The following NINL variants were observed in gnomAD, a reference collection of about 807,000 sequenced individuals.
NINL encodes ninein like, also known as ninein-like protein.
In NINL, 153 loss-of-function variants were observed where a neutral mutation model predicts 160.3. That is an observed-to-expected ratio of 0.95 (90% CI 0.84 to 1.09). NINL has a LOEUF of 1.09. Ranked by LOEUF, NINL falls within the 50% of genes least tolerant of loss-of-function variation. The probability of loss-of-function intolerance (pLI) is 0.00; values close to 1 mark genes in which losing one functional copy is unlikely to be tolerated. For missense variants in NINL, 1,829 were observed against 1,764.0 expected, an observed-to-expected ratio of 1.04 and a Z score of -0.66; for synonymous variants, 800 against 734.8, an observed-to-expected ratio of 1.09 and a Z score of -1.43.
chr20:25,475,892 A>T, intron 17 of NINL, 151 bp downstream of exon 17: 1 of 762,274 alleles, frequency 1.3e-6, no homozygotes, highest in Non-Finnish European at 2.1e-6. Context: ...CACAACCCCT[A>T]CTCAGGCTGA....
chr20:25,503,693 C>T (rs561450183), intron 7 of NINL, among the ~76,000 whole-genome samples: 10 of 152,348 alleles, frequency 6.6e-5, no homozygotes, highest in Admixed American at 2.6e-4. Flanking sequence ...CCATCTTACA[C>T]GTGAGCCTGA....
At chr20:25,481,293 T>C (rs2063383098) in intron 14 of NINL, among the ~76,000 whole-genome samples, 2 of 152,146 alleles carry the variant, frequency 1.3e-5, no homozygotes, top group African/African-American at 4.8e-5. Context: ...CACGGAGCCA[T>C]GTGCATTGTA....
rs968531574 is a variant in NINL at position 25,482,178 on chromosome 20, G to T, written c.1678-78C>A. 6 of 1,519,056 alleles carry T rather than the reference G, an allele frequency of 3.9e-6. No homozygotes were observed. In the Admixed American group the frequency reaches 1.1e-4, roughly 28 times the overall value. 94.1% of individuals were successfully genotyped at this position (1,519,056 alleles called of 1,614,324 possible). On this transcript the variant is annotated intron_variant, in intron 13 of 23. Coordinates refer to ENST00000278886, the MANE Select transcript of NINL (RefSeq NM_025176.6). ...GCGAGCTGGCCGAGCTGGCCTCCAG[G>T]GGGGTCCCTTGCAGGTGAGGTGCAC...
chr20:25,486,237 A>G (rs2146630809), intron 13 of NINL, among the ~76,000 whole-genome samples: 1 of 152,374 alleles, frequency 6.6e-6, no homozygotes, highest in East Asian at 1.9e-4. Context: ...GTTAGCTTGA[A>G]ACAGACAAAA....
intron 1 of NINL, among the ~76,000 whole-genome samples, chr20:25,585,182 C>A (rs2065214927): frequency 1.3e-5 from 2 of 152,210 alleles, no homozygotes; most frequent in Admixed American, 1.3e-4. Flanking sequence ...GGCGCCCGCG[C>A]CGCCGCCGTC....
At chr20:25,509,092 G>A (rs965707113) in intron 5 of NINL, among the ~76,000 whole-genome samples, 9 of 152,166 alleles carry the variant, frequency 5.9e-5, no homozygotes, top group Admixed American at 6.5e-5. Context: ...TGTGGTGGAA[G>A]GGATGCTTTG....
chr20:25,470,552 T>G (rs576608436), intron 17 of NINL, among the ~76,000 whole-genome samples: 2 of 152,186 alleles, frequency 1.3e-5, no homozygotes, highest in Admixed American at 6.5e-5. Context: ...CTCTGCTAGG[T>G]GAATCTCAAA....
intron 14 of NINL, 67 bp from the exon 15 acceptor site, chr20:25,480,334 C>G (rs1225219095): frequency 3.2e-6 from 4 of 1,253,234 alleles, no homozygotes; most frequent in Non-Finnish European, 4.6e-6. Flanking sequence ...CCAAACCTTC[C>G]AATCTGATAT....
At chr20:25,524,155 A>G (rs1349459264) in intron 2 of NINL, among the ~76,000 whole-genome samples, 1 of 152,152 alleles carries the variant, frequency 6.6e-6, no homozygotes, top group Non-Finnish European at 1.5e-5. Flanking sequence ...TGTGGTATGA[A>G]GCAGAGAAGC....
intron 1 of NINL, among the ~76,000 whole-genome samples, chr20:25,570,693 A>AATTTTTTTTTTTTT: frequency 1.3e-5 from 1 of 74,102 alleles, no homozygotes; most frequent in Non-Finnish European, 2.7e-5. Flanking sequence ...GGGCAAGTAG[A>AATTTTTTTTTTTTT]CTTTTTTTTT....
chr20:25,554,126 G>A (rs1364166363), intron 1 of NINL, among the ~76,000 whole-genome samples: 1 of 152,198 alleles, frequency 6.6e-6, no homozygotes, highest in Non-Finnish European at 1.5e-5. Context: ...GGAAGGGGCA[G>A]GAGCCCAGGC....
intron 10 of NINL, among the ~76,000 whole-genome samples, chr20:25,492,183 C>A (rs1010746089): frequency 3.3e-5 from 5 of 152,042 alleles, no homozygotes; most frequent in African/African-American, 1.2e-4. Context: ...ACACCTAAGC[C>A]CCAGAGCCCG....
Position 25,459,856 on chromosome 20 carries a change from C to T in NINL, c.3697-1327G>A, listed in dbSNP as rs570676675. ...TTCCTTGGCAACGCGAGACGGGCCA[C>T]ATCTACAGACCTTGACAGTCACAGG... On this transcript the variant is annotated intron_variant, in intron 21 of 23. Transcript: ENST00000278886. 3.3e-5 allele frequency among the ~76,000 whole-genome samples: 5 copies of T among 152,304 alleles called. No individual in the cohort carries two copies. The East Asian group carries it at 7.7e-4, about 24-fold the overall frequency.
intron 9 of NINL, among the ~76,000 whole-genome samples, chr20:25,497,839 G>A (rs1319428122): frequency 6.6e-6 from 1 of 152,136 alleles, no homozygotes; most frequent in Non-Finnish European, 1.5e-5. Context: ...AAACCTCAAT[G>A]AAAAGGGCTC....
intron 1 of NINL, among the ~76,000 whole-genome samples, chr20:25,534,704 T>C (rs981460900): frequency 1.3e-5 from 2 of 152,236 alleles, no homozygotes; most frequent in African/African-American, 4.8e-5. Context: ...TATATGACTA[T>C]ATGTACTGTC....
chr20:25,488,294 C>T (rs1421606009), intron 13 of NINL, among the ~76,000 whole-genome samples: 6 of 152,182 alleles, frequency 3.9e-5, no homozygotes, highest in East Asian at 1.9e-4. Context: ...GGTGCGATCT[C>T]GGCTCACTGC....
chr20:25,497,569 C>T (rs1468042707), intron 9 of NINL, among the ~76,000 whole-genome samples: 1 of 152,224 alleles, frequency 6.6e-6, no homozygotes, highest in Admixed American at 6.5e-5. Context: ...AAAAACACCA[C>T]GACAATCTTT....
intron 5 of NINL, among the ~76,000 whole-genome samples, chr20:25,507,028 C>T (rs573884989): frequency 1.8e-4 from 28 of 152,310 alleles, no homozygotes; most frequent in African/African-American, 6.3e-4. Context: ...GTTCAGGATG[C>T]CCTTGGCTGT....
intron 1 of NINL, among the ~76,000 whole-genome samples, chr20:25,570,644 CT>C (rs370242636): frequency 0.1 from 12,583 of 126,304 alleles, 879 homozygotes; most frequent in African/African-American, 0.21. Context: ...AATACAGATA[CT>C]TTTTTTTTTT....
Sources: allele counts gnomAD v4.1 joint callset (sites outside exome capture counted in the v4.1 genomes callset), GRCh38; gene constraint gnomAD v4.1.1; transcripts MANE v1.5; gene names NCBI Gene and HGNC (gene_info 2026-07-23, HGNC 2026-07-21).